DTNA: variants seen among roughly 807,000 people sequenced by gnomAD.
DTNA encodes dystrophin-related protein 3.
DTNA carries 43 observed loss-of-function variants against 100.7 expected under a neutral mutation model. The observed-to-expected ratio is 0.43, with a 90% CI of 0.33 to 0.55. DTNA has a LOEUF of 0.55. Ranked by LOEUF, DTNA falls within the 20% of genes least tolerant of loss-of-function variation. DTNA has a pLI of 0.04. For missense variants in DTNA, 798 were observed against 953.9 expected, an observed-to-expected ratio of 0.84 and a Z score of 2.15; for synonymous variants, 349 against 347.9, an observed-to-expected ratio of 1.00 and a Z score of -0.04.
At chr18:34,551,825 A>C (rs552428980) in intron 1 of DTNA, among the ~76,000 whole-genome samples, 7 of 152,176 alleles carry the variant, frequency 4.6e-5, no homozygotes, top group Non-Finnish European at 8.8e-5. Context: ...TCTTGCTCTT[A>C]ATATACAATG....
chr18:34,578,145 T>A (rs12961256), intron 1 of DTNA, among the ~76,000 whole-genome samples: 2 of 123,422 alleles, frequency 1.6e-5, no homozygotes, highest in African/African-American at 7.6e-5. Context: ...TGTTTTTTTT[T>A]TATTTTTTTA....
At chr18:34,882,017 GTAA>G (rs2096878258) in intron 20 of DTNA, 49 bp from the exon 21 acceptor site, 3 of 1,613,408 alleles carry the variant, frequency 1.9e-6, no homozygotes, top group Non-Finnish European at 1.7e-6. Flanking sequence ...AATCCCGCTT[GTAA>G]TTCTCTTTTA....
intron 1 of DTNA, among the ~76,000 whole-genome samples, chr18:34,583,452 G>T (rs887042992): frequency 1.3e-5 from 2 of 152,128 alleles, no homozygotes; most frequent in African/African-American, 4.8e-5. Context: ...AATTAAAATG[G>T]TGGATGGGAT....
chr18:34,614,436 G>A (rs1217346922), intron 1 of DTNA, among the ~76,000 whole-genome samples: 1 of 152,136 alleles, frequency 6.6e-6, no homozygotes, highest in Non-Finnish European at 1.5e-5. Flanking sequence ...AATAGACAAT[G>A]ATTCCTCTGA....
chr18:34,515,152 G>A (rs184487237), intron 1 of DTNA, among the ~76,000 whole-genome samples: 38 of 152,114 alleles, frequency 2.5e-4, no homozygotes, highest in Admixed American at 1.2e-3. Context: ...CTACCCTAAC[G>A]TCAGCTCTGA....
chr18:34,794,046 T>A lies in DTNA; in HGVS notation c.158T>A (p.Val53Glu). 1 of 1,613,998 alleles carries A rather than the reference T, an allele frequency of 6.2e-7. No individual in the cohort carries two copies. Among genetic ancestry groups the A allele is most frequent in the Non-Finnish European group, 8.5e-7 (1 of 1,179,966 alleles). The change falls in exon 4 of 23, where the codon GTG becomes GAG. Residue 53 changes from valine to glutamate, a missense_variant. Physicochemically the swap from Val to Glu is moderately radical, Grantham distance 121. Transcript: ENST00000444659. ...FVQKKCNLHL[V>E]DIWNVIEALR... ...TCTGCTTTAATTGTAGTGCACCTGGTGGACATATGGAATGTCATAGAAGCA... is the reference window on the plus strand; with the variant it reads ...TCTGCTTTAATTGTAGTGCACCTGGAGGACATATGGAATGTCATAGAAGCA...
At chr18:34,873,770 C>T (rs2096788317) in intron 17 of DTNA, among the ~76,000 whole-genome samples, 1 of 152,162 alleles carries the variant, frequency 6.6e-6, no homozygotes, top group Admixed American at 6.5e-5. Context: ...GTCAAGGATG[C>T]AGTGGTAGCT....
intron 8 of DTNA, among the ~76,000 whole-genome samples, chr18:34,820,518 C>G (rs2095688513): frequency 1.3e-5 from 2 of 152,288 alleles, no homozygotes; most frequent in South Asian, 4.2e-4. Flanking sequence ...GAGTTTTTGT[C>G]AGAAGGATTC....
intron 1 of DTNA, among the ~76,000 whole-genome samples, chr18:34,748,614 G>A (rs1250640653): frequency 6.6e-6 from 1 of 152,140 alleles, no homozygotes; most frequent in African/African-American, 2.4e-5. Flanking sequence ...TCAGTTTGCT[G>A]TAAGTTTTTG....
At chr18:34,630,262 A>G (rs2057900727) in intron 1 of DTNA, among the ~76,000 whole-genome samples, 1 of 152,066 alleles carries the variant, frequency 6.6e-6, no homozygotes, top group South Asian at 2.1e-4. Context: ...TGACTTCTCT[A>G]TTCATCTTCT....
intron 1 of DTNA, among the ~76,000 whole-genome samples, chr18:34,739,634 A>G (rs192312828): frequency 2.6e-5 from 4 of 152,302 alleles, no homozygotes; most frequent in Admixed American, 6.5e-5. Context: ...TAGGCATTCT[A>G]AAGTGTTTTT....
Position 34,827,689 on chromosome 18 carries a change from C to T in DTNA, c.1085+13C>T, listed in dbSNP as rs367578898. The T allele has an allele frequency of 8.7e-6, 14 of 1,611,148 alleles. No homozygotes were observed. The highest frequency in any genetic ancestry group is 1.2e-5 in the Non-Finnish European group (14 of 1,177,448). On this transcript the variant is annotated intron_variant, in intron 10 of 22. Transcript: ENST00000444659. ...TTATTACCAGGAGGTAAGTTCCAAC[C>T]CTATTATAAAATAAGCCCTTTCTTT... is the stretch of plus-strand genomic sequence containing the variant.
chr18:34,676,356 T>C (rs950964483), intron 1 of DTNA, among the ~76,000 whole-genome samples: 6 of 152,228 alleles, frequency 3.9e-5, no homozygotes, highest in African/African-American at 1.4e-4. Flanking sequence ...CTTTCTTTTA[T>C]GGTACTCTGT....
At chr18:34,635,734 C>T (rs1034125635) in intron 1 of DTNA, among the ~76,000 whole-genome samples, 2 of 152,032 alleles carry the variant, frequency 1.3e-5, no homozygotes, top group Non-Finnish European at 2.9e-5. Flanking sequence ...ATTGATCTCA[C>T]CAATCTTTTA....
intron 1 of DTNA, among the ~76,000 whole-genome samples, chr18:34,686,516 G>T (rs2078921220): frequency 6.6e-6 from 1 of 152,110 alleles, no homozygotes; most frequent in African/African-American, 2.4e-5. Context: ...TAATCTTTTT[G>T]ATATGCTGCT....
intron 6 of DTNA, 83 bp downstream of exon 6, chr18:34,812,196 C>T (rs1217625921): frequency 6.3e-7 from 1 of 1,585,438 alleles, no homozygotes; most frequent in African/African-American, 1.3e-5. Flanking sequence ...GTCACAGATA[C>T]TCAGACAAAT....
At chr18:34,748,154 A>T (rs1236028624) in intron 1 of DTNA, among the ~76,000 whole-genome samples, 1 of 151,782 alleles carries the variant, frequency 6.6e-6, no homozygotes, top group South Asian at 2.1e-4. Flanking sequence ...TGATGGGATT[A>T]GTTGTTATTT....
At chr18:34,689,298 G>A (rs1306123313) in intron 1 of DTNA, among the ~76,000 whole-genome samples, 1 of 152,038 alleles carries the variant, frequency 6.6e-6, no homozygotes, top group Admixed American at 6.5e-5. Context: ...TTTGGTCTTT[G>A]TTGTTGGTGA....
At chr18:34,646,640 T>C (rs1438374422) in intron 1 of DTNA, among the ~76,000 whole-genome samples, 1 of 152,228 alleles carries the variant, frequency 6.6e-6, no homozygotes, top group African/African-American at 2.4e-5. Context: ...AGACCACGTA[T>C]TCAAATGATT....
Sources: gnomAD v4.1 joint callset for allele counts (sites outside exome capture counted in the v4.1 genomes callset) on GRCh38, gnomAD v4.1.1 for gene constraint, MANE v1.5 for transcripts, NCBI Gene and HGNC (gene_info 2026-07-23, HGNC 2026-07-21) for gene names.